The following NEK7 variants were observed in gnomAD, a reference collection of about 807,000 sequenced individuals.
NEK7 encodes the protein serine/threonine-protein kinase Nek7.
A neutral mutation model predicts 44.6 loss-of-function variants in NEK7; 18 were observed. The observed-to-expected ratio is 0.40, with a 90% CI of 0.28 to 0.60. The LOEUF is 0.60. Among genes scored for constraint, NEK7 ranks in the 20% least tolerant of loss-of-function variants. The probability of loss-of-function intolerance (pLI) is 0.38; values close to 1 mark genes in which losing one functional copy is unlikely to be tolerated. For synonymous variants in NEK7, 130 were observed against 121.1 expected (o/e 1.07, Z -0.48); for missense variants, 256 against 366.5 (o/e 0.70, Z 2.46).
intron 1 of NEK7, among the ~76,000 whole-genome samples, chr1:198,225,251 G>A (rs1281748905): frequency 3.1e-5 from 3 of 95,240 alleles, no homozygotes; most frequent in Non-Finnish European, 3.8e-5. Context: ...AAGCGTGTAG[G>A]TTACAAAAAA....
intron 1 of NEK7, among the ~76,000 whole-genome samples, chr1:198,191,415 G>T (rs979080095): frequency 1.3e-5 from 2 of 151,944 alleles, no homozygotes; most frequent in Non-Finnish European, 2.9e-5. Flanking sequence ...TGATGAGATT[G>T]AGAATATTTT....
At chr1:198,273,216 C>T (rs1653908396) in intron 5 of NEK7, among the ~76,000 whole-genome samples, 1 of 151,744 alleles carries the variant, frequency 6.6e-6, no homozygotes, top group South Asian at 2.1e-4. Flanking sequence ...TCATGACTGT[C>T]AGGCCCATCC....
chr1:198,238,293 C>T (rs1666591261), intron 2 of NEK7, among the ~76,000 whole-genome samples: 1 of 152,110 alleles, frequency 6.6e-6, no homozygotes, highest in African/African-American at 2.4e-5. Context: ...GAACCACAAA[C>T]TTCTCCATCC....
intron 8 of NEK7, among the ~76,000 whole-genome samples, chr1:198,295,499 T>C (rs1408511110): frequency 2.0e-5 from 3 of 152,052 alleles, no homozygotes; most frequent in Non-Finnish European, 1.5e-5. Context: ...GATGCACTAA[T>C]GAACCAGATG....
intron 5 of NEK7, among the ~76,000 whole-genome samples, chr1:198,274,797 T>C (rs1307598541): frequency 6.6e-6 from 1 of 151,794 alleles, no homozygotes; most frequent in Admixed American, 6.6e-5. Context: ...CTTGGTCATT[T>C]AATTTGTAGT....
At chr1:198,193,025 G>A (rs553024009) in intron 1 of NEK7, among the ~76,000 whole-genome samples, 9 of 150,104 alleles carry the variant, frequency 6.0e-5, no homozygotes, top group East Asian at 5.8e-4. Context: ...ATCCAGGAGC[G>A]GTTTTTTTTT....
chr1:198,195,835 C>T (rs1665214943), intron 1 of NEK7, among the ~76,000 whole-genome samples: 2 of 151,884 alleles, frequency 1.3e-5, no homozygotes, highest in Admixed American at 6.6e-5. Context: ...AGAAATTTAA[C>T]CCGAATATGC....
intron 9 of NEK7, among the ~76,000 whole-genome samples, chr1:198,308,925 C>T (rs1655092386): frequency 2.0e-5 from 3 of 152,124 alleles, no homozygotes; most frequent in Middle Eastern, 3.4e-3. Flanking sequence ...CTTTTTTCCT[C>T]AGCCAGAAGT....
At chr1:198,242,828 AT>A (rs1213860437) in intron 2 of NEK7, among the ~76,000 whole-genome samples, 164 of 141,428 alleles carry the variant, frequency 1.2e-3, no homozygotes, top group Admixed American at 4.0e-3. Flanking sequence ...TTTGTATTTA[AT>A]TTTTTTTTTT....
intron 2 of NEK7, among the ~76,000 whole-genome samples, chr1:198,247,806 A>T (rs1320061106): frequency 6.6e-6 from 1 of 152,128 alleles, no homozygotes; most frequent in African/African-American, 2.4e-5. Context: ...TACATGATAG[A>T]TGTAGTAAAA....
chr1:198,302,619 T>G (rs1326702445), intron 9 of NEK7, among the ~76,000 whole-genome samples: 1 of 152,200 alleles, frequency 6.6e-6, no homozygotes, highest in African/African-American at 2.4e-5. Context: ...AAAATAAATT[T>G]TTAATTGAAC....
chr1:198,272,565 T>C (rs1025417116), intron 5 of NEK7, among the ~76,000 whole-genome samples: 2 of 151,832 alleles, frequency 1.3e-5, no homozygotes, highest in African/African-American at 2.4e-5. Context: ...GAGGGAAATA[T>C]TTCTGTTTAT....
intron 2 of NEK7, 47 bp from the exon 3 acceptor site, chr1:198,252,993 C>T (rs765006751): frequency 2.0e-5 from 30 of 1,513,648 alleles, no homozygotes; most frequent in Admixed American, 1.2e-4. Context: ...GTGTGTATTG[C>T]GTGTATATTG....
chr1:198,275,179 G>C (rs1653976702), intron 5 of NEK7, among the ~76,000 whole-genome samples: 1 of 150,406 alleles, frequency 6.6e-6, no homozygotes, highest in African/African-American at 2.4e-5. Flanking sequence ...TTGAAGATTT[G>C]CATAGGGAAA....
intron 1 of NEK7, among the ~76,000 whole-genome samples, chr1:198,182,866 C>T (rs548075758): frequency 6.6e-5 from 10 of 152,154 alleles, no homozygotes; most frequent in East Asian, 1.9e-4. Flanking sequence ...TTCATAATCC[C>T]GATTGATAGT....
intron 1 of NEK7, among the ~76,000 whole-genome samples, chr1:198,173,407 A>T (rs1439181167): frequency 1.3e-5 from 2 of 149,508 alleles, no homozygotes; most frequent in African/African-American, 4.9e-5. Context: ...CTGGCCTGGG[A>T]GTCAAAGTGA....
intron 3 of NEK7, chr1:198,256,273 A>G (rs1405181504): frequency 6.8e-7 from 1 of 1,463,386 alleles, no homozygotes; most frequent in African/African-American, 1.4e-5. Context: ...CATTTAGTTC[A>G]CTGATTCAGG....
intron 1 of NEK7, among the ~76,000 whole-genome samples, chr1:198,166,879 C>T (rs1215542579): frequency 2.0e-5 from 3 of 152,240 alleles, no homozygotes; most frequent in Admixed American, 1.3e-4. Context: ...ACTAACTTCA[C>T]ATAGGGTTGC....
intron 9 of NEK7, among the ~76,000 whole-genome samples, chr1:198,302,381 A>C (rs1188922465): frequency 6.0e-5 from 9 of 150,870 alleles, no homozygotes; most frequent in Admixed American, 5.9e-4. Context: ...AAGTTAGAGA[A>C]ATGGAAGGCA....
Sources: gnomAD v4.1 joint callset for allele counts (sites outside exome capture counted in the v4.1 genomes callset) on GRCh38, gnomAD v4.1.1 for gene constraint, MANE v1.5 for transcripts, NCBI Gene and HGNC (gene_info 2026-07-23, HGNC 2026-07-21) for gene names.